Variants in RANBP17 observed in about 807,000 individuals in gnomAD.
RANBP17 encodes RAN binding protein 17.
Under a neutral mutation model 141.2 loss-of-function variants are expected in RANBP17, and 158 were observed. The observed-to-expected ratio is 1.12, with a 90% CI of 0.98 to 1.28. The LOEUF is 1.28. RANBP17 is among the 50% of genes most tolerant of loss of function. The probability of loss-of-function intolerance (pLI) is 0.00; values close to 1 mark genes in which losing one functional copy is unlikely to be tolerated. For synonymous variants in RANBP17, 430 were observed against 450.0 expected (o/e 0.96, Z 0.56); for missense variants, 1,438 against 1,290.7 (o/e 1.11, Z -1.75).
chr5:170,894,484 T>TATATATA (rs1581075945), intron 4 of RANBP17, among the ~76,000 whole-genome samples: 5 of 16,058 alleles, frequency 3.1e-4, no homozygotes, highest in East Asian at 6.1e-3. Context: ...AGTACGTGTT[T>TATATATA]TTTATATATA....
intron 14 of RANBP17, among the ~76,000 whole-genome samples, chr5:171,060,438 T>C (rs77926284): frequency 4.6e-4 from 65 of 141,386 alleles, no homozygotes; most frequent in East Asian, 8.8e-4. Context: ...TTTTTGTCTT[T>C]GGTTCTGTTT....
chr5:171,125,296 C>CAAAAAAA (rs3083436), intron 14 of RANBP17, among the ~76,000 whole-genome samples: 105 of 85,190 alleles, frequency 1.2e-3, no homozygotes, highest in East Asian at 2.2e-3. Flanking sequence ...GACTATGTAT[C>CAAAAAAA]AAAAAAAAAA....
chr5:171,000,560 T>C (rs1260625383), intron 14 of RANBP17, among the ~76,000 whole-genome samples: 2 of 152,224 alleles, frequency 1.3e-5, no homozygotes, highest in Non-Finnish European at 2.9e-5. Context: ...TGAAATCTAC[T>C]GTGTCACACG....
chr5:171,226,359 A>T (rs111749072), intron 22 of RANBP17, among the ~76,000 whole-genome samples: 2,862 of 152,262 alleles, frequency 0.019, 88 homozygotes, highest in African/African-American at 0.058. Flanking sequence ...AGACTGGCCA[A>T]AATAGAACTG....
chr5:170,982,225 G>A lies in RANBP17; in HGVS notation c.1710+13848G>A, dbSNP rs184236397. Among the ~76,000 whole-genome samples, 11 of 148,720 alleles carry A rather than the reference G, an allele frequency of 7.4e-5. No individual in the cohort carries two copies. In the East Asian group the frequency reaches 1.8e-3, roughly 24 times the overall value. On this transcript the variant is annotated intron_variant, in intron 14 of 27. Coordinates refer to ENST00000523189, the MANE Select transcript of RANBP17 (RefSeq NM_022897.5). ...TTCAAGAGAGAGACCTACAGATATA[G>A]ATATAGATATATAGGATCCTCAATT... is the stretch of plus-strand genomic sequence containing the variant.
intron 1 of RANBP17, among the ~76,000 whole-genome samples, chr5:170,868,581 G>T (rs1371674052): frequency 6.6e-6 from 1 of 152,100 alleles, no homozygotes; most frequent in Non-Finnish European, 1.5e-5. Flanking sequence ...CTGTCTGTTT[G>T]TATTTGATAG....
At chr5:171,118,233 C>T (rs1429993788) in intron 14 of RANBP17, among the ~76,000 whole-genome samples, 2 of 152,068 alleles carry the variant, frequency 1.3e-5, no homozygotes, top group African/African-American at 4.8e-5. Context: ...TGGGAGTTCT[C>T]TATTCAGTTT....
chr5:171,202,845 T>C (rs1762370405), intron 19 of RANBP17, among the ~76,000 whole-genome samples: 1 of 152,220 alleles, frequency 6.6e-6, no homozygotes, highest in Non-Finnish European at 1.5e-5. Context: ...TCTTTGTTGT[T>C]ATTATATAGT....
At chr5:171,284,264 T>C (rs1352509386) in intron 25 of RANBP17, among the ~76,000 whole-genome samples, 4 of 152,208 alleles carry the variant, frequency 2.6e-5, no homozygotes, top group African/African-American at 7.2e-5. Flanking sequence ...GGCATCCTTC[T>C]CTTCATTGGA....
At chr5:171,181,542 G>A (rs906191600) in intron 16 of RANBP17, among the ~76,000 whole-genome samples, 17 of 152,004 alleles carry the variant, frequency 1.1e-4, no homozygotes, top group African/African-American at 3.4e-4. Context: ...CCTGCCCTTA[G>A]AAAGTTTACT....
At chr5:171,252,895 G>A in intron 24 of RANBP17, 1 of 1,423,688 alleles carries the variant, frequency 7.0e-7, no homozygotes, top group Non-Finnish European at 9.9e-7. Context: ...AAAAATAGAT[G>A]CACAAGCTAT....
intron 2 of RANBP17, among the ~76,000 whole-genome samples, chr5:170,880,773 G>C (rs1024493424): frequency 6.6e-6 from 1 of 152,186 alleles, no homozygotes; most frequent in South Asian, 2.1e-4. Flanking sequence ...TTAAAAATTA[G>C]ATATTTGAAG....
intron 4 of RANBP17, among the ~76,000 whole-genome samples, chr5:170,894,897 G>T (rs1769981333): frequency 6.6e-6 from 1 of 152,148 alleles, no homozygotes; most frequent in Non-Finnish European, 1.5e-5. Context: ...CTGACCTAGT[G>T]TACTTTGTGA....
chr5:170,985,253 A>G (rs546235472), intron 14 of RANBP17, among the ~76,000 whole-genome samples: 3 of 152,286 alleles, frequency 2.0e-5, no homozygotes, highest in Non-Finnish European at 2.9e-5. Flanking sequence ...TTACCCTACC[A>G]TAAACATCAG....
chr5:170,878,232 G>C lies in RANBP17; in HGVS notation c.154G>C (p.Glu52Gln), dbSNP rs1768357009. Reference sequence around the variant, plus strand: ...TCTCAGCAAGTGTCAACTTTTATTAGAACAAGGAACAGTAAGTATTTGGTA... The same window carrying C: ...TCTCAGCAAGTGTCAACTTTTATTACAACAAGGAACAGTAAGTATTTGGTA... ...ECLSKCQLLL[E>Q]QGTTSYAQLL... is the part of the protein sequence containing the mutation. The change falls in exon 2 of 28, where the codon GAA becomes CAA. Residue 52 changes from glutamate (E) to glutamine (Q), a missense_variant. Transcript: ENST00000523189. 1 of 1,606,688 alleles carries C rather than the reference G, an allele frequency of 6.2e-7. No individual in the cohort carries two copies. The highest frequency in any genetic ancestry group is 8.5e-7 in the Non-Finnish European group (1 of 1,177,136).
intron 14 of RANBP17, among the ~76,000 whole-genome samples, chr5:171,158,981 A>G (rs1759101101): frequency 6.6e-6 from 1 of 152,216 alleles, no homozygotes. Flanking sequence ...TTGAGAATGC[A>G]GTTTATCTTC....
At chr5:171,258,115 A>AC (rs1278113284) in intron 24 of RANBP17, among the ~76,000 whole-genome samples, 5 of 115,932 alleles carry the variant, frequency 4.3e-5, no homozygotes, top group Non-Finnish European at 6.8e-5. Context: ...TAAAAAAAAA[A>AC]AATACACACA....
intron 14 of RANBP17, among the ~76,000 whole-genome samples, chr5:171,043,237 C>T (rs186964632): frequency 3.3e-3 from 502 of 151,940 alleles, no homozygotes; most frequent in African/African-American, 8.3e-3. Flanking sequence ...TATTTTATTC[C>T]GAAGATTCCA....
intron 25 of RANBP17, among the ~76,000 whole-genome samples, chr5:171,272,391 A>G (rs1376331913): frequency 6.6e-6 from 1 of 152,228 alleles, no homozygotes; most frequent in Non-Finnish European, 1.5e-5. Flanking sequence ...TTTCAAATGT[A>G]AGTGCTTACT....
Sources: gnomAD v4.1 joint callset for allele counts (sites outside exome capture counted in the v4.1 genomes callset) on GRCh38, gnomAD v4.1.1 for gene constraint, MANE v1.5 for transcripts, NCBI Gene and HGNC (gene_info 2026-07-23, HGNC 2026-07-21) for gene names.